GAS7: variants seen among roughly 807,000 people sequenced by gnomAD.
GAS7 encodes growth arrest specific 7.
Under a neutral mutation model 71.1 loss-of-function variants are expected in GAS7, and 28 were observed. That is an observed-to-expected ratio of 0.39 (90% CI 0.29 to 0.54). The LOEUF (loss-of-function observed/expected upper bound fraction) is 0.54. Among genes scored for constraint, GAS7 ranks in the 20% least tolerant of loss-of-function variants. The pLI, the probability that GAS7 is intolerant of heterozygous loss-of-function variation, is 0.62. For synonymous variants in GAS7, 258 were observed against 245.8 expected, an observed-to-expected ratio of 1.05 and a Z score of -0.46; for missense variants, 436 against 627.8, an observed-to-expected ratio of 0.69 and a Z score of 3.27.
At chr17:9,931,803 G>A (rs1403048462) in intron 9 of GAS7, among the ~76,000 whole-genome samples, 1 of 152,154 alleles carries the variant, frequency 6.6e-6, no homozygotes, top group Non-Finnish European at 1.5e-5. Flanking sequence ...GCCATGGGGA[G>A]CTGTAGCAGC....
In GAS7 at chr17:10,115,775, C is replaced by T. The variant is rs187419730; in HGVS notation, c.183+82433G>A. On this transcript the variant is annotated intron_variant, in intron 1 of 13. Transcript: ENST00000432992. ...CCTAGTCCCTGGGGAGAACCTTATA[C>T]CTTCCCTTAAAACCGTGCCCCACTC... Among the ~76,000 whole-genome samples, 361 of 152,304 alleles carry T rather than the reference C, an allele frequency of 2.4e-3. 3 individuals carry two copies. The highest frequency in any genetic ancestry group is 3.0e-3 in the Non-Finnish European group (202 of 68,022).
intron 1 of GAS7, among the ~76,000 whole-genome samples, chr17:10,096,928 A>C (rs2073646783): frequency 6.6e-6 from 1 of 151,554 alleles, no homozygotes; most frequent in South Asian, 2.1e-4. Flanking sequence ...CCGAGGCTGC[A>C]ATTTCCTTCC....
At chr17:10,195,312 T>C (rs1211486400) in intron 1 of GAS7, among the ~76,000 whole-genome samples, 3 of 152,178 alleles carry the variant, frequency 2.0e-5, no homozygotes, top group Admixed American at 6.5e-5. Context: ...CCGTGTATGC[T>C]TCCTGCAAAG....
At position 9,974,171 on chromosome 17, in the gene GAS7, G is replaced by A. The variant is rs967203716; in HGVS notation, c.386-4409C>T. ...ACTGCTCATGTCAAAACAATTACGA[G>A]GAAAGAAAACACAGTTTTCCATTCG... On this transcript the variant is annotated intron_variant, in intron 3 of 13. Coordinates refer to ENST00000432992, the MANE Select transcript of GAS7 (RefSeq NM_201433.2). The surrounding 1 kb of genome is among the most constrained non-coding windows in gnomAD (Gnocchi z 4.0). 5.3e-5 allele frequency among the ~76,000 whole-genome samples: 8 copies of A among 152,290 alleles called. No individual in the cohort carries two copies. Among genetic ancestry groups the A allele is most frequent in the African/African-American group, 1.9e-4 (8 of 41,566 alleles).
intron 1 of GAS7, among the ~76,000 whole-genome samples, chr17:10,160,349 C>G (rs2074243094): frequency 6.6e-6 from 1 of 152,130 alleles, no homozygotes; most frequent in Admixed American, 6.6e-5. Flanking sequence ...GATTTTGTCC[C>G]TATTTCTACT....
chr17:10,047,840 C>T (rs1261874826), intron 1 of GAS7, among the ~76,000 whole-genome samples: 1 of 151,986 alleles, frequency 6.6e-6, no homozygotes, highest in Non-Finnish European at 1.5e-5. Context: ...GGAAAAGTGT[C>T]CCCAAATTGC....
chr17:10,125,539 A>G (rs1301515164), intron 1 of GAS7, among the ~76,000 whole-genome samples: 2 of 79,102 alleles, frequency 2.5e-5, no homozygotes, highest in African/African-American at 2.0e-4. Context: ...AAAAAAAAGA[A>G]AAAAAAAAAA....
At position 9,917,114 on chromosome 17, in the gene GAS7, C is replaced by T; in HGVS notation, c.*114G>A. ...CCCTTCTGGAATCACCAGCTCTCTC[C>T]CCTCTCCTCAGTGGCCCAGGAGAGA... is the stretch of plus-strand genomic sequence containing the variant. On this transcript the variant is annotated 3_prime_UTR_variant, in exon 14 of 14. Coordinates refer to ENST00000432992, the MANE Select transcript of GAS7 (RefSeq NM_201433.2). 2 of 736,518 alleles carry T rather than the reference C, an allele frequency of 2.7e-6. No individual in the cohort carries two copies. The highest frequency in any genetic ancestry group is 3.0e-5 in the South Asian group (2 of 67,328). 45.6% of individuals were successfully genotyped at this position (736,518 alleles called of 1,614,324 possible).
chr17:9,925,707 T>A lies in GAS7; in HGVS notation c.1015-108A>T. 8 of 1,228,410 alleles carry A rather than the reference T, an allele frequency of 6.5e-6. No homozygotes were observed. The South Asian group carries it at 1.1e-4, about 17-fold the overall frequency. The allele number at this position is 1,228,410 out of a possible 1,614,324, so 76.1% of individuals were successfully genotyped here. ...GGAGTCCTTTCGCCCCTTGTTTGTG[T>A]GGATGATGCCACAGTGGTCCAGAGA... On this transcript the variant is annotated intron_variant, in intron 10 of 13. Coordinates refer to ENST00000432992, the MANE Select transcript of GAS7 (RefSeq NM_201433.2).
chr17:10,044,143 T>G (rs1163887075), intron 1 of GAS7, among the ~76,000 whole-genome samples: 1 of 152,218 alleles, frequency 6.6e-6, no homozygotes, highest in African/African-American at 2.4e-5. Context: ...GGGGAATGCT[T>G]TCAGCATCAC....
Position 9,919,821 on chromosome 17 carries a change from G to A in GAS7, c.1139-116C>T. 1 of 796,044 alleles carries A rather than the reference G, an allele frequency of 1.3e-6. No homozygotes were observed. 49.3% of individuals were successfully genotyped at this position (796,044 alleles called of 1,614,324 possible). ...TCCCCCTGGGGTCATGGTGGCCGCT[G>A]GAAAGCTGGAAAAGGGATGGCAGTA... On this transcript the variant is annotated intron_variant, in intron 11 of 13. Transcript: ENST00000432992. This position sits in a 1 kb window ranked among gnomAD's most constrained non-coding sequence, Gnocchi z 5.0.
intron 1 of GAS7, among the ~76,000 whole-genome samples, chr17:10,190,353 G>A (rs1471239993): frequency 6.6e-6 from 1 of 152,200 alleles, no homozygotes; most frequent in Non-Finnish European, 1.5e-5. Context: ...GGGAGGCCAA[G>A]GCGGGCGGAT....
chr17:10,118,976 C>A (rs1315552521), intron 1 of GAS7, among the ~76,000 whole-genome samples: 1 of 152,154 alleles, frequency 6.6e-6, no homozygotes, highest in Non-Finnish European at 1.5e-5. Context: ...GCCTTCCGGG[C>A]ACTTTCAGCC....
intron 4 of GAS7, among the ~76,000 whole-genome samples, chr17:9,962,849 T>C (rs1310711538): frequency 6.6e-6 from 1 of 151,926 alleles, no homozygotes; most frequent in Non-Finnish European, 1.5e-5. Flanking sequence ...CTGAGCCTCA[T>C]GAGTAGGGTG....
chr17:9,947,080 C>T, intron 5 of GAS7, 97 bp from the exon 6 acceptor site: 1 of 752,852 alleles, frequency 1.3e-6, no homozygotes, highest in Non-Finnish European at 2.3e-6. Flanking sequence ...AGCAGCCTCC[C>T]TATTGACAGA....
chr17:10,105,927 C>T (rs550386448), intron 1 of GAS7, among the ~76,000 whole-genome samples: 19 of 152,168 alleles, frequency 1.2e-4, no homozygotes, highest in Non-Finnish European at 2.6e-4. Flanking sequence ...ACTGCCAGAC[C>T]TTGCCATGTT....
At position 9,916,315 on chromosome 17, in the gene GAS7, T is replaced by G. The variant is rs2067580741; in HGVS notation, c.*913A>C. ...CAGCCCAAAGGTGCACAGGGCACCGTGGCGGACAGGCCCCAGCTTGCTGGC... is the reference window on the plus strand; with the variant it reads ...CAGCCCAAAGGTGCACAGGGCACCGGGGCGGACAGGCCCCAGCTTGCTGGC... On this transcript the variant is annotated 3_prime_UTR_variant, in exon 14 of 14. Transcript: ENST00000432992. 1 of 233,234 alleles carries G rather than the reference T, an allele frequency of 4.3e-6. No individual in the cohort carries two copies. Among genetic ancestry groups the G allele is most frequent in the South Asian group, 1.8e-4 (1 of 5,542 alleles). The allele number at this position is 233,234 out of a possible 1,614,324, so 14.4% of individuals were successfully genotyped here.
chr17:10,095,815 A>AT (rs1217660790), intron 1 of GAS7, among the ~76,000 whole-genome samples: 11 of 151,918 alleles, frequency 7.2e-5, no homozygotes, highest in Non-Finnish European at 1.2e-4. Flanking sequence ...AAAAAAAAAA[A>AT]AAATAAGGTT....
At chr17:9,968,401 A>T (rs7214325) in intron 4 of GAS7, among the ~76,000 whole-genome samples, 73,083 of 151,998 alleles carry the variant, frequency 0.48, 17,638 homozygotes, top group Middle Eastern at 0.5. Context: ...GATCTCCTGG[A>T]TTAGAATCTG....
Sources: gnomAD v4.1 joint callset for allele counts (sites outside exome capture counted in the v4.1 genomes callset) on GRCh38, gnomAD v4.1.1 for gene constraint, Gnocchi (gnomAD v3.1) non-coding constraint, MANE v1.5 for transcripts, NCBI Gene and HGNC (gene_info 2026-07-23, HGNC 2026-07-21) for gene names.